Variants in DCK observed in about 807,000 individuals in gnomAD.
The protein encoded by DCK is deoxycytidine kinase, also known as deoxyadenosine kinase.
A neutral mutation model predicts 38.3 loss-of-function variants in DCK; 23 were observed. That is an observed-to-expected ratio of 0.60 (90% confidence interval 0.43 to 0.85). DCK has a LOEUF of 0.85. DCK is among the 40% of genes least tolerant of loss of function. DCK has a pLI of 0.00. For synonymous variants in DCK, 108 were observed against 100.6 expected (o/e 1.07, Z -0.44); for missense variants, 259 against 304.4 (o/e 0.85, Z 1.11).
intron 2 of DCK, among the ~76,000 whole-genome samples, chr4:71,010,921 T>A (rs1212902444): frequency 6.6e-6 from 1 of 151,658 alleles, no homozygotes; most frequent in Non-Finnish European, 1.5e-5. Context: ...GCATATTTTT[T>A]ACTTTTAATA....
Position 71,018,786 on chromosome 4 carries a change from C to G in DCK, c.208-3581C>G, listed in dbSNP as rs562830012. Among the ~76,000 whole-genome samples the G allele has an allele frequency of 7.3e-5, 11 of 151,212 alleles. No individual in the cohort carries two copies. The East Asian group carries it at 2.1e-3, about 29-fold the overall frequency. ...TCCCAGGCATAAGCAATTCTCCCAC[C>G]TCAACCTCCGGAGTAGCTGGGATTA... On this transcript the variant is annotated intron_variant, in intron 2 of 6. Coordinates refer to ENST00000286648, the MANE Select transcript of DCK (RefSeq NM_000788.3).
intron 2 of DCK, among the ~76,000 whole-genome samples, chr4:71,004,245 A>G (rs1739881564): frequency 6.6e-6 from 1 of 152,184 alleles, no homozygotes; most frequent in Non-Finnish European, 1.5e-5. Flanking sequence ...AGTTTGCTGG[A>G]GGTCCACTGC....
At chr4:71,016,847 C>T (rs181580895) in intron 2 of DCK, among the ~76,000 whole-genome samples, 2 of 152,304 alleles carry the variant, frequency 1.3e-5, no homozygotes, top group East Asian at 3.9e-4. Context: ...AAAACCTAGG[C>T]AATACTATTT....
intron 2 of DCK, among the ~76,000 whole-genome samples, chr4:71,012,491 A>T (rs373538805): frequency 6.6e-6 from 1 of 152,224 alleles, no homozygotes. Flanking sequence ...CTGACCCCCG[A>T]ATAGCCTAAC....
chr4:71,012,580 C>T (rs962523681), intron 2 of DCK, among the ~76,000 whole-genome samples: 2 of 152,284 alleles, frequency 1.3e-5, no homozygotes, highest in Admixed American at 6.5e-5. Flanking sequence ...TCCAGAGGAA[C>T]GATCAGGCAG....
At chr4:70,997,266 T>C (rs1299243581) in intron 1 of DCK, among the ~76,000 whole-genome samples, 1 of 152,174 alleles carries the variant, frequency 6.6e-6, no homozygotes, top group Non-Finnish European at 1.5e-5. Context: ...TGTGGGGTGT[T>C]CTTTCTATAT....
rs1668939739 is a variant in DCK, at chr4:71,030,475, G to A, written c.*1097G>A. The A allele has an allele frequency of 6.6e-6, 1 of 152,206 alleles. No individual in the cohort carries two copies. The highest frequency in any genetic ancestry group is 6.5e-5 in the Admixed American group (1 of 15,296). 9.4% of individuals were successfully genotyped at this position (152,206 alleles called of 1,614,324 possible). On this transcript the variant is annotated 3_prime_UTR_variant, in exon 7 of 7. Coordinates refer to ENST00000286648, the MANE Select transcript of DCK (RefSeq NM_000788.3). ...TGTTTTTGGTTTCTTATTCAAAGAT[G>A]ATAATTTAGTGGATTAACCAGTCCA... is the stretch of plus-strand genomic sequence containing the variant.
chr4:71,015,844 C>G (rs965802769), intron 2 of DCK, among the ~76,000 whole-genome samples: 5 of 152,146 alleles, frequency 3.3e-5, no homozygotes, highest in African/African-American at 1.2e-4. Context: ...TGGGCAAAAA[C>G]TGGAAACATT....
chr4:71,023,004 A>G (rs901029083), intron 3 of DCK, among the ~76,000 whole-genome samples: 2 of 152,140 alleles, frequency 1.3e-5, no homozygotes, highest in Non-Finnish European at 2.9e-5. Flanking sequence ...ATTTGATCTC[A>G]GGGCCCTTTT....
At chr4:71,010,828 A>G (rs892260296) in intron 2 of DCK, among the ~76,000 whole-genome samples, 1 of 151,638 alleles carries the variant, frequency 6.6e-6, no homozygotes, top group African/African-American at 2.4e-5. Flanking sequence ...CTTTTATCCA[A>G]TACTTCTTAC....
intron 4 of DCK, 74 bp from the exon 5 acceptor site, chr4:71,025,742 G>C: frequency 6.8e-7 from 1 of 1,479,794 alleles, no homozygotes. Context: ...ACACAGAAAA[G>C]AAAATTTTGA....
intron 2 of DCK, among the ~76,000 whole-genome samples, chr4:71,005,377 A>C (rs1266377879): frequency 6.6e-6 from 1 of 151,970 alleles, no homozygotes; most frequent in Non-Finnish European, 1.5e-5. Flanking sequence ...CATTGGTCTC[A>C]CTGGGAGCTG....
At chr4:71,005,744 C>T (rs527832389) in intron 2 of DCK, among the ~76,000 whole-genome samples, 18 of 151,968 alleles carry the variant, frequency 1.2e-4, no homozygotes, top group Middle Eastern at 3.4e-3. Flanking sequence ...TCAGGTGATC[C>T]GCCTGCCTCA....
chr4:71,006,018 C>T (rs1301511794), intron 2 of DCK, among the ~76,000 whole-genome samples: 2 of 147,290 alleles, frequency 1.4e-5, no homozygotes, highest in Non-Finnish European at 3.0e-5. Context: ...CCCAGCTACT[C>T]AGGAGGCTGA....
chr4:71,006,790 A>C (rs1739953404), intron 2 of DCK, among the ~76,000 whole-genome samples: 1 of 152,188 alleles, frequency 6.6e-6, no homozygotes, highest in Admixed American at 6.5e-5. Flanking sequence ...CCTGAGTGAC[A>C]GCAAGACCCT....
At chr4:70,996,597 T>G (rs1739666351) in intron 1 of DCK, among the ~76,000 whole-genome samples, 1 of 152,182 alleles carries the variant, frequency 6.6e-6, no homozygotes, top group Non-Finnish European at 1.5e-5. Context: ...TTTGTTCATG[T>G]CTCCTTCACC....
chr4:71,030,609 A>G lies in DCK; in HGVS notation c.*1231A>G, dbSNP rs1484498311. On this transcript the variant is annotated 3_prime_UTR_variant, in exon 7 of 7. Coordinates refer to ENST00000286648, the MANE Select transcript of DCK (RefSeq NM_000788.3). ...TTTAGTTTGTTTTTGTTTGGTATAA[A>G]TTAATTTGTTAATTAAATATTTCTT... 3 of 152,226 alleles carry G rather than the reference A, an allele frequency of 2.0e-5. No individual in the cohort carries two copies. Among genetic ancestry groups the G allele is most frequent in the East Asian group, 1.9e-4 (1 of 5,188 alleles). 9.4% of individuals were successfully genotyped at this position (152,226 alleles called of 1,614,324 possible).
chr4:70,998,784 C>T (rs1319650509), intron 2 of DCK, among the ~76,000 whole-genome samples: 3 of 151,944 alleles, frequency 2.0e-5, no homozygotes, highest in South Asian at 2.1e-4. Context: ...CTTAGCTGAA[C>T]GTGGTGGTGG....
chr4:71,021,080 T>C (rs1740404140), intron 2 of DCK, among the ~76,000 whole-genome samples: 1 of 147,788 alleles, frequency 6.8e-6, no homozygotes, highest in Non-Finnish European at 1.5e-5. Context: ...TTTTTTTTTT[T>C]TTTTTTGAGA....
Sources: allele counts gnomAD v4.1 joint callset (sites outside exome capture counted in the v4.1 genomes callset), GRCh38; gene constraint gnomAD v4.1.1; transcripts MANE v1.5; gene names NCBI Gene and HGNC (gene_info 2026-07-23, HGNC 2026-07-21).